The following ESRRB variants were observed in gnomAD, a reference collection of about 807,000 sequenced individuals.
ESRRB encodes estrogen related receptor beta.
In ESRRB, 16 loss-of-function variants were observed where a neutral mutation model predicts 46.0. That is an observed-to-expected ratio of 0.35 (90% confidence interval 0.24 to 0.53). The LOEUF (loss-of-function observed/expected upper bound fraction) is 0.53, where lower values mean the gene tolerates loss of function less well. Ranked by LOEUF, ESRRB falls within the 20% of genes least tolerant of loss-of-function variation. The pLI is 0.93. For synonymous variants in ESRRB, 246 were observed against 259.6 expected (o/e 0.95, Z 0.50); for missense variants, 488 against 607.4 (o/e 0.80, Z 2.07).
chr14:76,468,475 C>G (rs987063732), intron 3 of ESRRB, among the ~76,000 whole-genome samples: 1 of 148,032 alleles, frequency 6.8e-6, no homozygotes, highest in Non-Finnish European at 1.5e-5. Flanking sequence ...CACCCTGAAG[C>G]CTTTGGGCCA....
intron 1 of ESRRB, among the ~76,000 whole-genome samples, chr14:76,391,432 C>T (rs891559463): frequency 6.6e-6 from 1 of 152,260 alleles, no homozygotes; most frequent in African/African-American, 2.4e-5. Context: ...GCACTACAAG[C>T]CCACAGACCG....
intron 1 of ESRRB, among the ~76,000 whole-genome samples, chr14:76,389,178 T>A (rs1467553675): frequency 6.6e-6 from 1 of 152,168 alleles, no homozygotes; most frequent in Non-Finnish European, 1.5e-5. Flanking sequence ...CCAACCCTGG[T>A]CTGCTTAGCA....
chr14:76,355,104 C>A (rs182970790), intron 1 of ESRRB, among the ~76,000 whole-genome samples: 1 of 152,298 alleles, frequency 6.6e-6, no homozygotes, highest in Admixed American at 6.5e-5. Context: ...AGATGTCACC[C>A]TTTGGGTATA....
intron 1 of ESRRB, among the ~76,000 whole-genome samples, chr14:76,321,301 C>A (rs888245764): frequency 2.0e-5 from 3 of 152,204 alleles, no homozygotes; most frequent in Non-Finnish European, 2.9e-5. Flanking sequence ...AACAGTTGGA[C>A]TTTCACAGTC....
chr14:76,445,344 G>T (rs183535169), intron 2 of ESRRB, among the ~76,000 whole-genome samples: 2,012 of 151,324 alleles, frequency 0.013, 41 homozygotes, highest in African/African-American at 0.047. Context: ...GGTGGCGCAT[G>T]CCTGTAATCC....
intron 1 of ESRRB, among the ~76,000 whole-genome samples, chr14:76,407,095 A>G (rs1044243634): frequency 6.6e-6 from 1 of 152,236 alleles, no homozygotes; most frequent in African/African-American, 2.4e-5. Flanking sequence ...GCAGTCTTCA[A>G]AGGATAAGCT....
At chr14:76,326,893 CAGGGTGCAT>C (rs2139732435) in intron 1 of ESRRB, among the ~76,000 whole-genome samples, 1 of 152,368 alleles carries the variant, frequency 6.6e-6, no homozygotes, top group Admixed American at 6.5e-5. Flanking sequence ...GGGAGGGCTC[CAGGGTGCAT>C]AGGCCACCAT....
rs181298428 is a variant in ESRRB at position 76,376,929 on chromosome 14, G to T, written c.50+478G>T. Among the ~76,000 whole-genome samples, 1,195 of 152,256 alleles carry T rather than the reference G, an allele frequency of 7.8e-3. 22 individuals carry two copies. The highest frequency in any genetic ancestry group is 0.027 in the African/African-American group (1,140 of 41,546). On this transcript the variant is annotated intron_variant, in intron 1 of 6. Transcript: ENST00000644823. The surrounding 1 kb of genome is among the most constrained non-coding windows in gnomAD (Gnocchi z 4.1). Reference sequence around the variant, plus strand: ...CCCGGCAAGAGAGAGAAAATCGAACGTGCCGCGGCGGTTTGGAAACTGCAG... The same window carrying T: ...CCCGGCAAGAGAGAGAAAATCGAACTTGCCGCGGCGGTTTGGAAACTGCAG...
chr14:76,394,516 CT>C (rs1415491670), intron 1 of ESRRB, among the ~76,000 whole-genome samples: 1 of 152,162 alleles, frequency 6.6e-6, no homozygotes, highest in Admixed American at 6.5e-5. Flanking sequence ...AGGATGCAGC[CT>C]TGTGGGGGCT....
chr14:76,409,647 T>G, intron 1 of ESRRB, among the ~76,000 whole-genome samples: 1 of 151,792 alleles, frequency 6.6e-6, no homozygotes, highest in East Asian at 2.0e-4. Flanking sequence ...GATTTGAGCA[T>G]GAGATGGTAT....
At chr14:76,444,409 C>G (rs1047585122) in intron 2 of ESRRB, among the ~76,000 whole-genome samples, 6 of 152,028 alleles carry the variant, frequency 3.9e-5, no homozygotes, top group African/African-American at 1.4e-4. Flanking sequence ...AGAAAAATGA[C>G]CTAGAATTGG....
At chr14:76,311,015 T>TCC in intron 1 of ESRRB, 1 of 407,958 alleles carries the variant, frequency 2.5e-6, no homozygotes, top group Admixed American at 2.6e-5. Context: ...TCTCTCTCTC[T>TCC]CTCTCAATGG....
At chr14:76,469,919 G>GTTTTTTT (rs1566603692) in intron 3 of ESRRB, among the ~76,000 whole-genome samples, 1 of 84,524 alleles carries the variant, frequency 1.2e-5, no homozygotes, top group Non-Finnish European at 2.4e-5. Flanking sequence ...ACTAGGCTGT[G>GTTTTTTT]TTTTTTGTTG....
At chr14:76,463,228 T>TAC in intron 3 of ESRRB, 1 of 179,430 alleles carries the variant, frequency 5.6e-6, no homozygotes, top group Non-Finnish European at 1.2e-5. Context: ...CTGTCTAATA[T>TAC]GGCAACCACC....
At chr14:76,461,525 T>C (rs989619470) in intron 2 of ESRRB, among the ~76,000 whole-genome samples, 16 of 143,078 alleles carry the variant, frequency 1.1e-4, no homozygotes, top group Admixed American at 6.9e-4. Flanking sequence ...TTTGTTTTGT[T>C]TGAGACAGAG....
intron 1 of ESRRB, among the ~76,000 whole-genome samples, chr14:76,343,055 C>T (rs1414111487): frequency 1.3e-5 from 2 of 152,166 alleles, no homozygotes; most frequent in Admixed American, 1.3e-4. Context: ...CAGGGAGGGC[C>T]TCTCAGAACT....
intron 6 of ESRRB, among the ~76,000 whole-genome samples, chr14:76,493,930 A>G (rs1269067691): frequency 6.6e-6 from 1 of 152,230 alleles, no homozygotes; most frequent in Non-Finnish European, 1.5e-5. Flanking sequence ...GTGGACCCAC[A>G]TGGGTACAAA....
chr14:76,366,300 A>G (rs1163603172), intron 1 of ESRRB, among the ~76,000 whole-genome samples: 1 of 152,218 alleles, frequency 6.6e-6, no homozygotes, highest in Non-Finnish European at 1.5e-5. Context: ...CTAAAGAAAT[A>G]AGGAGCGACA....
At chr14:76,439,870 T>C in intron 2 of ESRRB, 120 bp downstream of exon 2, 1 of 1,118,440 alleles carries the variant, frequency 8.9e-7, no homozygotes, top group East Asian at 2.5e-5. Context: ...GTTGGAGCGG[T>C]ACTTCTGTGG....
Sources: gnomAD v4.1 joint callset for allele counts (sites outside exome capture counted in the v4.1 genomes callset) on GRCh38, gnomAD v4.1.1 for gene constraint, Gnocchi (gnomAD v3.1) non-coding constraint, MANE v1.5 for transcripts, NCBI Gene and HGNC (gene_info 2026-07-23, HGNC 2026-07-21) for gene names.